The following SLC9C1 variants were observed in gnomAD, a reference collection of about 807,000 sequenced individuals.
The protein encoded by SLC9C1 is solute carrier family 9 member C1.
In SLC9C1, 97 loss-of-function variants were observed where a neutral mutation model predicts 140.9. That is an observed-to-expected ratio of 0.69 (90% CI 0.58 to 0.82). The LOEUF (loss-of-function observed/expected upper bound fraction) is 0.82, where lower values mean the gene tolerates loss of function less well. Among genes scored for constraint, SLC9C1 ranks in the 40% least tolerant of loss-of-function variants. The probability of loss-of-function intolerance (pLI) is 0.00; values close to 1 mark genes in which losing one functional copy is unlikely to be tolerated. For missense variants in SLC9C1, 1,340 were observed against 1,389.3 expected, an observed-to-expected ratio of 0.96 and a Z score of 0.56; for synonymous variants, 440 against 442.6, an observed-to-expected ratio of 0.99 and a Z score of 0.07.
At chr3:112,160,170 G>C (rs944190660) in intron 26 of SLC9C1, among the ~76,000 whole-genome samples, 1 of 149,716 alleles carries the variant, frequency 6.7e-6, no homozygotes, top group Non-Finnish European at 1.5e-5. Context: ...ATCTTCCATT[G>C]TGTTTAGTTA....
At chr3:112,186,258 T>C (rs1234264150) in intron 20 of SLC9C1, among the ~76,000 whole-genome samples, 1 of 58,228 alleles carries the variant, frequency 1.7e-5, no homozygotes, top group Non-Finnish European at 3.6e-5. Context: ...TGGTATCCTA[T>C]TGAAATCTCT....
intron 27 of SLC9C1, among the ~76,000 whole-genome samples, chr3:112,153,701 C>G (rs2075049066): frequency 6.6e-6 from 1 of 152,102 alleles, no homozygotes; most frequent in Non-Finnish European, 1.5e-5. Flanking sequence ...TATTATCACT[C>G]TTTTATAGAT....
intron 19 of SLC9C1, 33 bp from the exon 20 acceptor site, chr3:112,199,502 A>G (rs2077851945): frequency 6.7e-7 from 1 of 1,499,510 alleles, no homozygotes; most frequent in South Asian, 1.4e-5. Context: ...TAGATTAAAT[A>G]AGAACATTGT....
chr3:112,205,125 G>A (rs2078010770), intron 16 of SLC9C1, among the ~76,000 whole-genome samples: 2 of 152,040 alleles, frequency 1.3e-5, no homozygotes, highest in Admixed American at 6.6e-5. Flanking sequence ...CCTGTTTGCA[G>A]ATGACATGAT....
At position 112,277,691 on chromosome 3, in the gene SLC9C1, C is replaced by T; in HGVS notation, c.484+4G>A. 6.4e-7 allele frequency: 1 copy of T among 1,550,464 alleles called. No homozygotes were observed. The highest frequency in any genetic ancestry group is 8.7e-7 in the Non-Finnish European group (1 of 1,154,014). ...AATATAGAAAAAGAGAACAATATAC[C>T]TACCAAGGTCTCTTATAGCAGCTGC... On this transcript the variant is annotated splice_donor_region_variant and intron_variant, in intron 5 of 28. Coordinates refer to ENST00000305815, the MANE Select transcript of SLC9C1 (RefSeq NM_183061.3).
At chr3:112,234,173 C>T (rs79587349) in intron 12 of SLC9C1, among the ~76,000 whole-genome samples, 89,917 of 151,952 alleles carry the variant, frequency 0.59, 27,115 homozygotes, top group East Asian at 0.79. Flanking sequence ...TGATCGCCAT[C>T]CTAAGTGGTA....
Position 112,169,036 on chromosome 3 carries a change from C to A in SLC9C1, c.3078G>T (p.Lys1026Asn). ...TATCTACTACATAAATATTAGAGAGCTTTAGTTGCATATTGTAGTTCCAAT... is the reference window on the plus strand; with the variant it reads ...TATCTACTACATAAATATTAGAGAGATTTAGTTGCATATTGTAGTTCCAAT... ...YEDWNYNMQL[K>N]LSNIYVVDIP... The change falls in exon 25 of 29, where the codon AAG becomes AAT. Residue 1026 changes from lysine (K) to asparagine (N), a missense_variant. Physicochemically the swap from Lys to Asn is moderately conservative, Grantham distance 94. Coordinates refer to ENST00000305815, the MANE Select transcript of SLC9C1 (RefSeq NM_183061.3). 1 of 1,594,708 alleles carries A rather than the reference C, an allele frequency of 6.3e-7. No homozygotes were observed. The highest frequency in any genetic ancestry group is 1.4e-5 in the African/African-American group (1 of 73,920).
At chr3:112,281,449 C>A (rs2108349624) in intron 2 of SLC9C1, among the ~76,000 whole-genome samples, 1 of 152,254 alleles carries the variant, frequency 6.6e-6, no homozygotes, top group East Asian at 1.9e-4. Context: ...TGGTTGGCTG[C>A]AGGTATGTGA....
At chr3:112,237,873 T>C (rs1482202487) in intron 12 of SLC9C1, among the ~76,000 whole-genome samples, 1 of 152,268 alleles carries the variant, frequency 6.6e-6, no homozygotes, top group African/African-American at 2.4e-5. Context: ...AACTTTTCTC[T>C]CTGGCTGCCC....
At position 112,287,697 on chromosome 3, in the gene SLC9C1, A is replaced by T. The variant is rs747488691; in HGVS notation, c.-87-819T>A. Among the ~76,000 whole-genome samples the T allele has an allele frequency of 7.4e-4, 112 of 152,198 alleles. 3 individuals carry two copies. Among genetic ancestry groups the T allele is most frequent in the Non-Finnish European group, 2.1e-4 (14 of 68,036 alleles). ...TTATGATTCTATCTCTCATAATGGT[A>T]GCTTGACATTTTTTAGTGCCTTCTA... On this transcript the variant is annotated intron_variant, in intron 1 of 28. Coordinates refer to ENST00000305815, the MANE Select transcript of SLC9C1 (RefSeq NM_183061.3).
intron 15 of SLC9C1, among the ~76,000 whole-genome samples, chr3:112,213,670 A>G (rs1408693545): frequency 6.6e-6 from 1 of 152,228 alleles, no homozygotes; most frequent in Non-Finnish European, 1.5e-5. Context: ...TCCTAAATAT[A>G]TATGCACCCA....
intron 10 of SLC9C1, among the ~76,000 whole-genome samples, chr3:112,249,837 ATTAG>A (rs2079398680): frequency 6.6e-6 from 1 of 152,018 alleles, no homozygotes; most frequent in African/African-American, 2.4e-5. Flanking sequence ...TTTATTCTTT[ATTAG>A]TCTAGCTAGC....
intron 11 of SLC9C1, among the ~76,000 whole-genome samples, chr3:112,243,463 C>T (rs538970791): frequency 6.6e-6 from 1 of 152,142 alleles, no homozygotes; most frequent in African/African-American, 2.4e-5. Context: ...TACACATGAA[C>T]ATAGAGATGG....
At chr3:112,186,637 A>T (rs1401765567) in intron 20 of SLC9C1, among the ~76,000 whole-genome samples, 1 of 152,222 alleles carries the variant, frequency 6.6e-6, no homozygotes, top group Admixed American at 6.5e-5. Context: ...ACAAAATGTT[A>T]AAATTAGTCA....
intron 13 of SLC9C1, among the ~76,000 whole-genome samples, chr3:112,224,251 G>T (rs1329585604): frequency 6.6e-6 from 1 of 152,158 alleles, no homozygotes; most frequent in Admixed American, 6.6e-5. Flanking sequence ...CTATGCTATT[G>T]TATCCACCCA....
chr3:112,165,884 C>T (rs1399940675), intron 26 of SLC9C1, among the ~76,000 whole-genome samples: 2 of 152,250 alleles, frequency 1.3e-5, no homozygotes, highest in Non-Finnish European at 2.9e-5. Context: ...TCTGCAGAAG[C>T]AGGCAGGCCT....
chr3:112,152,367 ATC>A (rs1300373642), intron 27 of SLC9C1, among the ~76,000 whole-genome samples: 5 of 152,042 alleles, frequency 3.3e-5, no homozygotes, highest in African/African-American at 4.8e-5. Context: ...TTACACAAAC[ATC>A]TCGGTGCAGT....
At chr3:112,251,093 G>A (rs1449744685) in intron 10 of SLC9C1, among the ~76,000 whole-genome samples, 2 of 152,112 alleles carry the variant, frequency 1.3e-5, no homozygotes, top group East Asian at 1.9e-4. Flanking sequence ...GACCAAGATG[G>A]CTGGCTAGAA....
chr3:112,270,799 G>C (rs1391958602), intron 6 of SLC9C1, among the ~76,000 whole-genome samples: 2 of 152,172 alleles, frequency 1.3e-5, no homozygotes, highest in Non-Finnish European at 2.9e-5. Flanking sequence ...CTGGGCAAGA[G>C]AGCAAGACTC....
Sources: allele counts gnomAD v4.1 joint callset (sites outside exome capture counted in the v4.1 genomes callset), GRCh38; gene constraint gnomAD v4.1.1; transcripts MANE v1.5; gene names NCBI Gene and HGNC (gene_info 2026-07-23, HGNC 2026-07-21).